Variants in TMEM131 observed in about 807,000 individuals in gnomAD.
TMEM131 encodes 2610524E03Rik.
A neutral mutation model predicts 211.6 loss-of-function variants in TMEM131; 66 were observed. The observed-to-expected ratio is 0.31, with a 90% CI of 0.26 to 0.38. The LOEUF (loss-of-function observed/expected upper bound fraction) is 0.38. TMEM131 is among the 10% of genes least tolerant of loss of function. The pLI, the probability that TMEM131 is intolerant of heterozygous loss-of-function variation, is 1.00. For synonymous variants in TMEM131, 844 were observed against 841.3 expected (o/e 1.00, Z -0.06); for missense variants, 2,036 against 2,299.3 (o/e 0.89, Z 2.34).
intron 2 of TMEM131, among the ~76,000 whole-genome samples, chr2:97,915,724 T>C (rs752387710): frequency 2.6e-5 from 4 of 152,180 alleles, no homozygotes; most frequent in Non-Finnish European, 5.9e-5. Context: ...CAAGAACTCT[T>C]TGCCTAGCCC....
chr2:97,778,520 C>T (rs565954799), intron 31 of TMEM131, among the ~76,000 whole-genome samples: 1 of 150,888 alleles, frequency 6.6e-6, no homozygotes, highest in Non-Finnish European at 1.5e-5. Context: ...CACTGCACTC[C>T]AGCCTGGGTG....
chr2:97,938,173 T>C (rs1034783708), intron 1 of TMEM131, among the ~76,000 whole-genome samples: 1 of 152,094 alleles, frequency 6.6e-6, no homozygotes, highest in Non-Finnish European at 1.5e-5. Flanking sequence ...AATTCACATA[T>C]AACAATATTA....
intron 5 of TMEM131, among the ~76,000 whole-genome samples, chr2:97,846,184 G>A (rs980220786): frequency 1.3e-5 from 2 of 152,076 alleles, no homozygotes; most frequent in Non-Finnish European, 2.9e-5. Context: ...TAAACTTTCC[G>A]ACATACAGGA....
chr2:97,971,702 G>C (rs1010154401), intron 1 of TMEM131, among the ~76,000 whole-genome samples: 2 of 152,082 alleles, frequency 1.3e-5, no homozygotes, highest in East Asian at 3.9e-4. Context: ...AGGTTAAAAA[G>C]AAAATCCTAA....
chr2:97,984,138 A>G (rs1422997040), intron 1 of TMEM131, among the ~76,000 whole-genome samples: 1 of 152,224 alleles, frequency 6.6e-6, no homozygotes, highest in Non-Finnish European at 1.5e-5. Flanking sequence ...TAGAATTTCT[A>G]TTCTATTCCA....
At chr2:97,934,722 T>C (rs1334236655) in intron 1 of TMEM131, among the ~76,000 whole-genome samples, 1 of 152,192 alleles carries the variant, frequency 6.6e-6, no homozygotes, top group Middle Eastern at 3.2e-3. Flanking sequence ...TATGCCTCAC[T>C]GGTTTTGACA....
intron 1 of TMEM131, among the ~76,000 whole-genome samples, chr2:97,960,608 A>G (rs13006817): frequency 0.75 from 114,203 of 151,982 alleles, 44,614 homozygotes; most frequent in African/African-American, 0.87. Flanking sequence ...AAATGATGCT[A>G]AAACGGCTTA....
At chr2:97,986,640 C>T (rs77366299) in intron 1 of TMEM131, among the ~76,000 whole-genome samples, 2,646 of 152,208 alleles carry the variant, frequency 0.017, 107 homozygotes, top group East Asian at 0.14. Flanking sequence ...CCCCTAAATA[C>T]CTAAGAACTC....
In TMEM131 at chr2:97,812,536, T is replaced by C. The variant is rs1443468691; in HGVS notation, c.1748A>G (p.His583Arg). The C allele has an allele frequency of 1.9e-6, 3 of 1,605,590 alleles. No homozygotes were observed. Among genetic ancestry groups the C allele is most frequent in the Non-Finnish European group, 2.5e-6 (3 of 1,177,464 alleles). Residue 583 changes from histidine (H) to arginine (R), a missense_variant, in exon 17 of 41, where the codon CAT (histidine) becomes CGT (arginine). His to Arg is a conservative substitution (Grantham distance 29, BLOSUM62 0). Coordinates refer to ENST00000186436, the MANE Select transcript of TMEM131 (RefSeq NM_015348.2). ...TATTGATAAACCGTCTCCTATGATATGCCAACTTTTTATAGCCAACTTTAA... is the reference window on the plus strand; with the variant it reads ...TATTGATAAACCGTCTCCTATGATACGCCAACTTTTTATAGCCAACTTTAA... ...NPIELAIKSW[H>R]IIGDGLSIEL... is the part of the protein sequence containing the mutation.
chr2:97,831,853 G>A (rs1177610004), intron 11 of TMEM131, among the ~76,000 whole-genome samples: 2 of 151,004 alleles, frequency 1.3e-5, no homozygotes, highest in Non-Finnish European at 3.0e-5. Flanking sequence ...TTTTGGTAGA[G>A]ACAGGGTTTC....
At position 97,815,283 on chromosome 2, in the gene TMEM131, T is replaced by C. The variant is rs181236597; in HGVS notation, c.1208A>G (p.Gln403Arg). 5.0e-5 allele frequency: 79 copies of C among 1,573,398 alleles called. No individual in the cohort carries two copies. The highest frequency in any genetic ancestry group is 6.5e-5 in the Non-Finnish European group (76 of 1,168,582). Reference protein sequence around the residue: ...FDASKAKKPSQFSGKITVKAK... With the variant: ...FDASKAKKPSRFSGKITVKAK... ...TTTAACTGTTATTTTCCCAGAAAAC[T>C]GAGATGGCTTTTTTGCCTTCGATGC... is the stretch of plus-strand genomic sequence containing the variant. Residue 403 changes from glutamine (Q) to arginine (R), a missense_variant, in exon 13 of 41, where the codon CAG becomes CGG. By Grantham distance (43) the Gln-to-Arg change is conservative. Around this residue, in one of 3 missense-constraint regions of TMEM131, gnomAD observed 1,623 missense variants for 1,805.9 expected, o/e 0.90. Transcript: ENST00000186436.
chr2:97,900,626 G>A (rs1412660109), intron 3 of TMEM131, among the ~76,000 whole-genome samples: 1 of 151,918 alleles, frequency 6.6e-6, no homozygotes, highest in South Asian at 2.1e-4. Context: ...TGAACACTTA[G>A]GTTGATTCCT....
chr2:97,833,819 A>G (rs1361561676), intron 10 of TMEM131, among the ~76,000 whole-genome samples: 2 of 152,022 alleles, frequency 1.3e-5, no homozygotes, highest in African/African-American at 4.8e-5. Context: ...CACCATGCCC[A>G]GCAGACTTTT....
intron 5 of TMEM131, among the ~76,000 whole-genome samples, chr2:97,857,025 T>A (rs1673877877): frequency 6.6e-6 from 1 of 152,218 alleles, no homozygotes. Flanking sequence ...TTTTAAAAAA[T>A]TTCCAGAGAA....
chr2:97,872,121 G>A (rs568723146), intron 4 of TMEM131, among the ~76,000 whole-genome samples: 161 of 152,222 alleles, frequency 1.1e-3, no homozygotes, highest in Non-Finnish European at 1.6e-3. Flanking sequence ...TGAAAACAAA[G>A]AAAGCTAATT....
At chr2:97,861,344 C>A (rs989171301) in intron 4 of TMEM131, among the ~76,000 whole-genome samples, 2 of 151,590 alleles carry the variant, frequency 1.3e-5, no homozygotes, top group African/African-American at 4.8e-5. Context: ...CCAGGCAGCA[C>A]AGCTCACAGC....
chr2:97,815,388 C>CT, intron 12 of TMEM131, 81 bp from the exon 13 acceptor site: 4 of 816,094 alleles, frequency 4.9e-6, no homozygotes, highest in South Asian at 5.2e-5. Context: ...TTGACAAAAT[C>CT]TTAAAAAAAA....
At chr2:97,929,117 CA>C (rs1022932346) in intron 1 of TMEM131, among the ~76,000 whole-genome samples, 1 of 151,418 alleles carries the variant, frequency 6.6e-6, no homozygotes, top group Non-Finnish European at 1.5e-5. Context: ...GATTTGAGGA[CA>C]GGGGCAGGAA....
chr2:97,965,493 C>G (rs570438121), intron 1 of TMEM131, among the ~76,000 whole-genome samples: 1 of 152,290 alleles, frequency 6.6e-6, no homozygotes, highest in African/African-American at 2.4e-5. Flanking sequence ...TGGTGTGGGG[C>G]TGGTTTCTCC....
Sources: allele counts gnomAD v4.1 joint callset (sites outside exome capture counted in the v4.1 genomes callset), GRCh38; gene constraint gnomAD v4.1.1; regional missense constraint gnomAD v4.1.1; transcripts MANE v1.5; gene names NCBI Gene and HGNC (gene_info 2026-07-23, HGNC 2026-07-21).